Variants in BCAP29 observed in about 807,000 individuals in gnomAD.
The protein encoded by BCAP29 is B cell receptor associated protein 29, also known as B-cell receptor-associated protein 29.
A neutral mutation model predicts 31.8 loss-of-function variants in BCAP29; 34 were observed. The ratio of observed to expected loss-of-function variants is 1.07; its 90% CI spans 0.81 to 1.42. The LOEUF is 1.42. Ranked by LOEUF, BCAP29 falls within the 40% of genes most tolerant of loss-of-function variation. The pLI, the probability that BCAP29 is intolerant of heterozygous loss-of-function variation, is 0.00. For synonymous variants in BCAP29, 104 were observed against 91.3 expected, an observed-to-expected ratio of 1.14 and a Z score of -0.79; for missense variants, 314 against 269.2, an observed-to-expected ratio of 1.17 and a Z score of -1.16.
At chr7:107,616,927 CAG>C (rs1242441052) in intron 7 of BCAP29, among the ~76,000 whole-genome samples, 2 of 152,134 alleles carry the variant, frequency 1.3e-5, no homozygotes, top group African/African-American at 4.8e-5. Flanking sequence ...TTAGTAGAGA[CAG>C]GGTTTCACCA....
chr7:107,594,889 A>C (rs1158352597), intron 4 of BCAP29, among the ~76,000 whole-genome samples: 2 of 152,188 alleles, frequency 1.3e-5, no homozygotes, highest in African/African-American at 2.4e-5. Context: ...AGGTTTGCCC[A>C]GTCCATAAGG....
At chr7:107,605,056 A>G (rs1330567729) in intron 6 of BCAP29, among the ~76,000 whole-genome samples, 3 of 152,186 alleles carry the variant, frequency 2.0e-5, no homozygotes, top group African/African-American at 7.2e-5. Flanking sequence ...CTTTTCTTGG[A>G]CTAATATATA....
chr7:107,580,780 T>C lies in BCAP29; in HGVS notation c.8T>C (p.Leu3Pro), dbSNP rs765084058. The change falls in exon 2 of 8, where the codon CTC becomes CCC. Residue 3 changes from leucine (L) to proline (P), a missense_variant. Coordinates refer to ENST00000005259, the MANE Select transcript of BCAP29 (RefSeq NM_018844.4). The stretch of plus-strand genomic sequence containing the variant: ...TTAGGTGTGAAGAAAAAAATGACAC[T>C]CCAATGGGCTGCAGTGGCAACCTTT... MT[L>P]QWAAVATFLY... 2.5e-6 allele frequency: 4 copies of C among 1,597,728 alleles called. No individual in the cohort carries two copies. The highest frequency in any genetic ancestry group is 3.4e-6 in the Non-Finnish European group (4 of 1,173,480).
chr7:107,585,716 G>A (rs1482855193), intron 3 of BCAP29, among the ~76,000 whole-genome samples: 3 of 152,156 alleles, frequency 2.0e-5, no homozygotes, highest in Admixed American at 6.5e-5. Flanking sequence ...TTGGCCGGGC[G>A]CGGCGGCTCA....
At chr7:107,597,667 C>T (rs1810109789) in intron 5 of BCAP29, among the ~76,000 whole-genome samples, 1 of 152,162 alleles carries the variant, frequency 6.6e-6, no homozygotes, top group African/African-American at 2.4e-5. Flanking sequence ...GGTTAAGTGA[C>T]TTGTACAAGA....
At chr7:107,604,210 T>TA (rs1811673783) in intron 6 of BCAP29, among the ~76,000 whole-genome samples, 1 of 152,176 alleles carries the variant, frequency 6.6e-6, no homozygotes, top group South Asian at 2.1e-4. Context: ...CACCTTGACT[T>TA]ACGTTGAACA....
intron 2 of BCAP29, among the ~76,000 whole-genome samples, chr7:107,583,065 T>G (rs1806993023): frequency 6.6e-6 from 1 of 152,062 alleles, no homozygotes; most frequent in Admixed American, 6.5e-5. Flanking sequence ...TTGAAGCTAT[T>G]TAAGTGCTTA....
In BCAP29 at chr7:107,580,776, A is replaced by G; in HGVS notation, c.4A>G (p.Thr2Ala). 6.3e-7 allele frequency: 1 copy of G among 1,594,772 alleles called. No individual in the cohort carries two copies. The highest frequency in any genetic ancestry group is 8.5e-7 in the Non-Finnish European group (1 of 1,172,178). Residue 2 changes from threonine to alanine, a missense_variant, in exon 2 of 8, where the codon ACA (threonine) becomes GCA (alanine). Physicochemically the swap from Thr to Ala is moderately conservative, Grantham distance 58. Coordinates refer to ENST00000005259, the MANE Select transcript of BCAP29 (RefSeq NM_018844.4). ...CCATTTAGGTGTGAAGAAAAAAATG[A>G]CACTCCAATGGGCTGCAGTGGCAAC... M[T>A]LQWAAVATFL...
chr7:107,597,222 A>G (rs2129241675), intron 5 of BCAP29, among the ~76,000 whole-genome samples: 1 of 152,090 alleles, frequency 6.6e-6, no homozygotes, highest in East Asian at 1.9e-4. Flanking sequence ...TTGTGAAAAC[A>G]CCCCCTTTGT....
rs889279835 is a variant in BCAP29 at position 107,605,409 on chromosome 7, C to A, written c.589+4904C>A. On this transcript the variant is annotated intron_variant, in intron 6 of 7. Transcript: ENST00000005259. ...ATGTCCATAAAGGGATTCATTTCCT[C>A]CCCAGTGTGAAACATGGGCTAGTCT... is the stretch of plus-strand genomic sequence containing the variant. 2.0e-5 allele frequency among the ~76,000 whole-genome samples: 3 copies of A among 152,282 alleles called. No individual in the cohort carries two copies. The East Asian group carries it at 5.8e-4, about 29-fold the overall frequency.
At position 107,618,416 on chromosome 7, in the gene BCAP29, G is replaced by A. The variant is rs537657093; in HGVS notation, c.*53G>A. ...TGTGTCAAAATGATAATTTTGTTAT[G>A]TTAGCCTCTAGAAAATTTAAGTTCA... On this transcript the variant is annotated 3_prime_UTR_variant, in exon 8 of 8. Coordinates refer to ENST00000005259, the MANE Select transcript of BCAP29 (RefSeq NM_018844.4). 3 of 1,612,534 alleles carry A rather than the reference G, an allele frequency of 1.9e-6. No homozygotes were observed. Among genetic ancestry groups the A allele is most frequent in the African/African-American group, 2.7e-5 (2 of 74,970 alleles).
chr7:107,592,626 C>T (rs1416027543), intron 3 of BCAP29, among the ~76,000 whole-genome samples: 1 of 152,168 alleles, frequency 6.6e-6, no homozygotes, highest in Non-Finnish European at 1.5e-5. Context: ...ATAAAACTTG[C>T]ACATGAATGT....
At chr7:107,589,965 T>C (rs1012209746) in intron 3 of BCAP29, among the ~76,000 whole-genome samples, 3 of 152,010 alleles carry the variant, frequency 2.0e-5, no homozygotes, top group Non-Finnish European at 2.9e-5. Flanking sequence ...AGTATGAAAA[T>C]AGAAATCAGT....
At chr7:107,587,593 A>G (rs1313690896) in intron 3 of BCAP29, 1 of 152,138 alleles carries the variant, frequency 6.6e-6, no homozygotes, top group African/African-American at 2.4e-5. Flanking sequence ...TATTGAGGCA[A>G]TCTGAGAAAT....
rs1563131743 is a variant in BCAP29 at position 107,595,971 on chromosome 7, AATTT to A, written c.452_455del (p.Phe151TrpfsTer7). 1 of 1,578,430 alleles carries A rather than the reference AATTT, an allele frequency of 6.3e-7. No homozygotes were observed. Among genetic ancestry groups the A allele is most frequent in the Non-Finnish European group, 8.5e-7 (1 of 1,169,696 alleles). ...GAAAATACTAACAAGGCTGCCAAAA[AATTT>A]ATGGAAGAAAACGAAAAACTAAAAA... On this transcript the variant is annotated frameshift_variant, in exon 5 of 8. Transcript: ENST00000005259. LOFTEE classifies it high-confidence loss of function.
rs2129298065 is a variant in BCAP29, at chr7:107,618,517, A to C, written c.*154A>C. 1 of 1,608,816 alleles carries C rather than the reference A, an allele frequency of 6.2e-7. No individual in the cohort carries two copies. The highest frequency in any genetic ancestry group is 1.1e-5 in the South Asian group (1 of 90,906). On this transcript the variant is annotated 3_prime_UTR_variant, in exon 8 of 8. Transcript: ENST00000005259. ...TGTATTGTAATGGCATTATCAAAATATTTGATGATGTTTCAGATATATTGC... is the reference window on the plus strand; with the variant it reads ...TGTATTGTAATGGCATTATCAAAATCTTTGATGATGTTTCAGATATATTGC...
intron 3 of BCAP29, among the ~76,000 whole-genome samples, chr7:107,593,315 A>G (rs983961283): frequency 2.0e-5 from 3 of 152,146 alleles, no homozygotes; most frequent in Admixed American, 1.3e-4. Flanking sequence ...GCTGATATCT[A>G]TTTTCCACTG....
At chr7:107,613,800 A>G in intron 7 of BCAP29, 2 of 1,143,950 alleles carry the variant, frequency 1.7e-6, no homozygotes, top group South Asian at 1.2e-5. Context: ...CAAGTTCCAC[A>G]TCACACTACT....
intron 4 of BCAP29, among the ~76,000 whole-genome samples, chr7:107,594,974 A>G (rs1023212788): frequency 2.6e-5 from 4 of 152,108 alleles, no homozygotes; most frequent in African/African-American, 9.7e-5. Context: ...AATACATTCC[A>G]CCCTTACAGA....
Sources: gnomAD v4.1 joint callset for allele counts (sites outside exome capture counted in the v4.1 genomes callset) on GRCh38, gnomAD v4.1.1 for gene constraint, MANE v1.5 for transcripts, NCBI Gene and HGNC (gene_info 2026-07-23, HGNC 2026-07-21) for gene names.